Variants in CMC2 observed in about 807,000 individuals in gnomAD.
The protein encoded by CMC2 is C-X9-C motif containing 2.
Under a neutral mutation model 7.5 loss-of-function variants are expected in CMC2, and 5 were observed. The ratio of observed to expected loss-of-function variants is 0.66; its 90% CI spans 0.35 to 1.40. CMC2 has a LOEUF of 1.40. Among genes scored for constraint, CMC2 ranks in the 40% most tolerant of loss-of-function variants. CMC2 has a pLI of 0.04. For synonymous variants in CMC2, 37 were observed against 31.4 expected (o/e 1.18, Z -0.60); for missense variants, 115 against 92.3 (o/e 1.25, Z -1.01).
intron 2 of CMC2, among the ~76,000 whole-genome samples, chr16:80,994,075 G>T (rs185589154): frequency 2.0e-3 from 305 of 152,194 alleles, no homozygotes; most frequent in African/African-American, 7.1e-3. Flanking sequence ...TTGACAAAGG[G>T]ACCATGGTAA....
chr16:80,996,414 T>C (rs1295500948), intron 2 of CMC2, among the ~76,000 whole-genome samples: 2 of 152,266 alleles, frequency 1.3e-5, no homozygotes, highest in Admixed American at 6.5e-5. Flanking sequence ...ATATTTTATA[T>C]AGTTTTTACT....
intron 3 of CMC2, among the ~76,000 whole-genome samples, chr16:80,978,748 G>A (rs1452639345): frequency 2.6e-5 from 4 of 152,002 alleles, no homozygotes; most frequent in African/African-American, 9.7e-5. Flanking sequence ...TGACACAGCG[G>A]AGTCCCAACA....
rs1911603352 is a variant in CMC2, at chr16:80,967,033, TA to T, written c.*9059del. 1 of 152,246 alleles carries T rather than the reference TA, an allele frequency of 6.6e-6. No homozygotes were observed. The highest frequency in any genetic ancestry group is 2.1e-4 in the South Asian group (1 of 4,836). The allele number at this position is 152,246 out of a possible 1,614,324, so 9.4% of individuals were successfully genotyped here. The stretch of plus-strand genomic sequence containing the variant: ...CTTTGGGCTACTTCAACACTTTATT[TA>T]TTCTTTATTCACTAAAAATTCATTC... On this transcript the variant is annotated 3_prime_UTR_variant, in exon 4 of 4. Coordinates refer to ENST00000219400, the MANE Select transcript of CMC2 (RefSeq NM_020188.5).
At chr16:81,004,125 G>T (rs1969060878) in intron 1 of CMC2, among the ~76,000 whole-genome samples, 1 of 152,152 alleles carries the variant, frequency 6.6e-6, no homozygotes, top group Non-Finnish European at 1.5e-5. Flanking sequence ...GGGAGGCTGA[G>T]GCAGGGGAAT....
At chr16:80,983,287 C>A (rs747059793) in intron 2 of CMC2, 2 of 152,196 alleles carry the variant, frequency 1.3e-5, no homozygotes, top group Non-Finnish European at 2.9e-5. Context: ...GGGGTCAGTG[C>A]CCCGAACTTC....
chr16:80,989,285 G>C (rs1967787874), intron 2 of CMC2, among the ~76,000 whole-genome samples: 1 of 152,084 alleles, frequency 6.6e-6, no homozygotes, highest in African/African-American at 2.4e-5. Context: ...TCTAATTCTA[G>C]CACTCCTCTT....
At chr16:80,978,258 T>C in intron 3 of CMC2, 1 of 1,100,124 alleles carries the variant, frequency 9.1e-7, no homozygotes, top group Non-Finnish European at 1.1e-6. Context: ...TCACGTCTAC[T>C]GGATTGCCCC....
Position 80,966,890 on chromosome 16 carries a change from ATT to A in CMC2, c.*9201_*9202del, listed in dbSNP as rs1344999775. On this transcript the variant is annotated 3_prime_UTR_variant, in exon 4 of 4. Coordinates refer to ENST00000219400, the MANE Select transcript of CMC2 (RefSeq NM_020188.5). The stretch of plus-strand genomic sequence containing the variant: ...TGGTATACCTTTGTGTAAATGCATC[ATT>A]GTTTATTTAACTACTGTCCTATTCG... 8 of 108,200 alleles carry A rather than the reference ATT, an allele frequency of 7.4e-5. No homozygotes were observed. The highest frequency in any genetic ancestry group is 1.1e-4 in the Non-Finnish European group (6 of 54,370). The allele number at this position is 108,200 out of a possible 1,614,324, so 6.7% of individuals were successfully genotyped here. A position where few individuals can be genotyped will look rare whatever the true frequency, so the allele number is the denominator to read the frequency against.
At chr16:80,992,810 A>G (rs531897905) in intron 2 of CMC2, among the ~76,000 whole-genome samples, 1 of 150,900 alleles carries the variant, frequency 6.6e-6, no homozygotes, top group South Asian at 2.1e-4. Context: ...TACTACCTCA[A>G]CCTTCCAAGT....
At chr16:80,997,523 G>C (rs1968524480) in intron 1 of CMC2, 94 bp from the exon 2 acceptor site, 2 of 652,476 alleles carry the variant, frequency 3.1e-6, no homozygotes, top group East Asian at 5.5e-5. Context: ...CTTTATCAGA[G>C]AAGTATGTTA....
chr16:81,000,570 T>C (rs936926025), intron 1 of CMC2, among the ~76,000 whole-genome samples: 11 of 152,030 alleles, frequency 7.2e-5, no homozygotes, highest in Admixed American at 3.3e-4. Context: ...TCAAAAGATA[T>C]ACAAGTGGCC....
chr16:80,981,772 T>C lies in CMC2; in HGVS notation c.153+34A>G, dbSNP rs762251114. On this transcript the variant is annotated intron_variant, in intron 3 of 3. Coordinates refer to ENST00000219400, the MANE Select transcript of CMC2 (RefSeq NM_020188.5). ...TATTCAAAAATGTTCTGTTCTATTG[T>C]TCAACCATATCCATCCTTTGACACT... The C allele has an allele frequency of 2.2e-6, 3 of 1,382,548 alleles. No individual in the cohort carries two copies. The South Asian group carries it at 3.6e-5, about 17-fold the overall frequency. 85.6% of individuals were successfully genotyped at this position (1,382,548 alleles called of 1,614,324 possible).
chr16:80,979,086 A>G (rs1289804216), intron 3 of CMC2, among the ~76,000 whole-genome samples: 5 of 150,498 alleles, frequency 3.3e-5, no homozygotes, highest in Admixed American at 3.3e-4. Flanking sequence ...GGCAAAAAAA[A>G]TAAAAAAATA....
intron 1 of CMC2, among the ~76,000 whole-genome samples, chr16:81,005,729 T>C (rs536125665): frequency 2.7e-4 from 41 of 152,298 alleles, no homozygotes; most frequent in African/African-American, 9.1e-4. Context: ...CCGAAGAGTT[T>C]CTCAGAGAAT....
chr16:80,981,684 G>C, intron 3 of CMC2, 122 bp downstream of exon 3: 1 of 618,290 alleles, frequency 1.6e-6, no homozygotes, highest in East Asian at 3.0e-5. Flanking sequence ...GTTCATACAT[G>C]TAAAGTCAAT....
At chr16:80,978,303 T>C in intron 3 of CMC2, 1 of 1,232,228 alleles carries the variant, frequency 8.1e-7, no homozygotes, top group Non-Finnish European at 1.0e-6. Context: ...TAAGGGAAAC[T>C]CTTCAGAAGA....
rs368582206 is a variant in CMC2, at chr16:80,969,328, G to A, written c.*6765C>T. On this transcript the variant is annotated 3_prime_UTR_variant, in exon 4 of 4. Coordinates refer to ENST00000219400, the MANE Select transcript of CMC2 (RefSeq NM_020188.5). The stretch of plus-strand genomic sequence containing the variant: ...CAGCACAGGGAGGCACAAGGTACCT[G>A]AACCAACTAAGGACCGAAGAACCCA... 5 of 152,614 alleles carry A rather than the reference G, an allele frequency of 3.3e-5. No homozygotes were observed. The highest frequency in any genetic ancestry group is 1.2e-4 in the African/African-American group (5 of 41,588). 9.5% of individuals were successfully genotyped at this position (152,614 alleles called of 1,614,324 possible). A position where few individuals can be genotyped will look rare whatever the true frequency, so the allele number is the denominator to read the frequency against.
intron 2 of CMC2, chr16:80,982,553 T>A (rs567461536): frequency 6.8e-6 from 1 of 146,878 alleles, no homozygotes; most frequent in South Asian, 2.1e-4. Flanking sequence ...AATACTAGTC[T>A]ATTTTGTCAT....
In CMC2 at chr16:81,002,334, G is replaced by C. The variant is rs189852048; in HGVS notation, c.-36+4400C>G. On this transcript the variant is annotated intron_variant, in intron 1 of 3. Coordinates refer to ENST00000219400, the MANE Select transcript of CMC2 (RefSeq NM_020188.5). ...CCAGCTACTTGGGAGGCCGAAGCAG[G>C]AGAATCACTTGAACCTGGGAGGCAA... Among the ~76,000 whole-genome samples the C allele has an allele frequency of 1.6e-4, 25 of 152,306 alleles. No homozygotes were observed. In the East Asian group the frequency reaches 4.1e-3, roughly 25 times the overall value.
Sources: gnomAD v4.1 joint callset for allele counts (sites outside exome capture counted in the v4.1 genomes callset) on GRCh38, gnomAD v4.1.1 for gene constraint, MANE v1.5 for transcripts, NCBI Gene and HGNC (gene_info 2026-07-23, HGNC 2026-07-21) for gene names.